The following TEX9 variants were observed in gnomAD, a reference collection of about 807,000 sequenced individuals.
TEX9 encodes the protein testis-expressed protein 9.
In TEX9, 74 loss-of-function variants were observed where a neutral mutation model predicts 59.6. The ratio of observed to expected loss-of-function variants is 1.24; its 90% CI spans 1.03 to 1.51. The LOEUF (loss-of-function observed/expected upper bound fraction) is 1.51. Among genes scored for constraint, TEX9 ranks in the 40% most tolerant of loss-of-function variants. TEX9 has a pLI of 0.00. For synonymous variants in TEX9, 186 were observed against 152.2 expected, an observed-to-expected ratio of 1.22 and a Z score of -1.64; for missense variants, 522 against 447.8, an observed-to-expected ratio of 1.17 and a Z score of -1.49.
At chr15:56,367,876 T>C (rs1323346418) in intron 2 of TEX9, among the ~76,000 whole-genome samples, 1 of 152,228 alleles carries the variant, frequency 6.6e-6, no homozygotes, top group African/African-American at 2.4e-5. Context: ...TGCGTTTATA[T>C]ACACACAGAT....
At chr15:56,381,243 G>C (rs1074018) in intron 3 of TEX9, among the ~76,000 whole-genome samples, 2 of 152,102 alleles carry the variant, frequency 1.3e-5, no homozygotes, top group Admixed American at 1.3e-4. Context: ...AGAATTTCTC[G>C]ATTCTTTTTA....
At chr15:56,302,362 C>T (rs1055364746) in intron 1 of TEX9, among the ~76,000 whole-genome samples, 5 of 139,018 alleles carry the variant, frequency 3.6e-5, no homozygotes, top group Admixed American at 1.4e-4. Context: ...CACACACACA[C>T]GAACATAAAA....
At chr15:56,387,416 C>G (rs1310412095) in intron 4 of TEX9, among the ~76,000 whole-genome samples, 1 of 151,876 alleles carries the variant, frequency 6.6e-6, no homozygotes, top group Non-Finnish European at 1.5e-5. Flanking sequence ...GATTTAGTTT[C>G]TGTAATTTTT....
intron 1 of TEX9, among the ~76,000 whole-genome samples, chr15:56,302,636 A>G (rs2045390086): frequency 6.6e-6 from 1 of 152,186 alleles, no homozygotes; most frequent in African/African-American, 2.4e-5. Context: ...GGAAGAAAAG[A>G]AGGAAGGAAG....
chr15:56,367,442 C>A (rs2046995212), intron 2 of TEX9, among the ~76,000 whole-genome samples: 1 of 152,164 alleles, frequency 6.6e-6, no homozygotes, highest in East Asian at 1.9e-4. Context: ...AATCCAAAAC[C>A]TTTTGCAGTT....
At chr15:56,457,623 A>T in the TEX9 span, among the ~76,000 whole-genome samples, 1 of 152,086 alleles carries the variant, frequency 6.6e-6, no homozygotes, top group Non-Finnish European at 1.5e-5. Flanking sequence ...GGAGTTTGAG[A>T]CCAGCCTGGG....
chr15:56,363,845 A>G (rs1432029318), upstream of TEX9, among the ~76,000 whole-genome samples: 3 of 126,616 alleles, frequency 2.4e-5, no homozygotes, highest in African/African-American at 9.4e-5. Context: ...TTATTTATCT[A>G]TTTCCTTTTT....
At chr15:56,297,370 A>G (rs2045241535) in intron 1 of TEX9, among the ~76,000 whole-genome samples, 2 of 152,366 alleles carry the variant, frequency 1.3e-5, no homozygotes, top group South Asian at 4.1e-4. Context: ...AGTTTTTACC[A>G]TAAGCATCTT....
intron 1 of TEX9, among the ~76,000 whole-genome samples, chr15:56,289,534 C>G (rs1168341780): frequency 6.6e-6 from 1 of 152,196 alleles, no homozygotes; most frequent in Non-Finnish European, 1.5e-5. Flanking sequence ...TCCTTCGCAG[C>G]TAACACTGTG....
At chr15:56,310,857 C>A (rs1368909101) in intron 1 of TEX9, among the ~76,000 whole-genome samples, 6 of 152,208 alleles carry the variant, frequency 3.9e-5, no homozygotes, top group Non-Finnish European at 5.9e-5. Flanking sequence ...AACCCTGAAA[C>A]CTCAACAGAG....
chr15:56,271,149 G>T (rs1358619235), intron 1 of TEX9, among the ~76,000 whole-genome samples: 1 of 152,056 alleles, frequency 6.6e-6, no homozygotes, highest in Non-Finnish European at 1.5e-5. Context: ...CTTTGTGGTG[G>T]TCTCTGTATT....
intron 1 of TEX9, among the ~76,000 whole-genome samples, chr15:56,328,845 G>T (rs1461549860): frequency 1.3e-5 from 2 of 152,200 alleles, no homozygotes; most frequent in Admixed American, 1.3e-4. Flanking sequence ...TGGACCTGAG[G>T]ACTGGGAGAA....
At chr15:56,244,951 A>C (rs1186363437) in intron 1 of TEX9, among the ~76,000 whole-genome samples, 2 of 152,314 alleles carry the variant, frequency 1.3e-5, no homozygotes, top group African/African-American at 4.8e-5. Flanking sequence ...ACAACAGCCA[A>C]GGCCTCTGGC....
chr15:56,320,678 T>C (rs540355556), intron 1 of TEX9, among the ~76,000 whole-genome samples: 3 of 152,192 alleles, frequency 2.0e-5, no homozygotes, highest in Non-Finnish European at 4.4e-5. Context: ...GAGTAATATG[T>C]TGTGTATGCT....
At chr15:56,272,691 G>C (rs2044565287) in intron 1 of TEX9, among the ~76,000 whole-genome samples, 2 of 152,070 alleles carry the variant, frequency 1.3e-5, no homozygotes, top group Non-Finnish European at 2.9e-5. Context: ...CTGCCAAACT[G>C]TTTCTCATAG....
At chr15:56,350,713 G>T (rs1469949761) in intron 1 of TEX9, among the ~76,000 whole-genome samples, 2 of 151,982 alleles carry the variant, frequency 1.3e-5, no homozygotes, top group African/African-American at 2.4e-5. Flanking sequence ...TATTCATTTC[G>T]CTAGGCCTTG....
chr15:56,276,418 A>G (rs907512978), intron 1 of TEX9, among the ~76,000 whole-genome samples: 1 of 152,144 alleles, frequency 6.6e-6, no homozygotes, highest in Non-Finnish European at 1.5e-5. Context: ...TATGAGTGAG[A>G]ACATGCAGTG....
rs186704335 is a variant in TEX9 at position 56,267,501 on chromosome 15, C to T, written c.-107+23223C>T. On this transcript the variant is annotated intron_variant, in intron 1 of 5. Coordinates refer to the TEX9 transcript ENST00000560827. ...CTTTAATCCATCTTGAATTAATTTT[C>T]GTATAACGTGTAAGGAAGGGATCCA... 1.5e-3 allele frequency among the ~76,000 whole-genome samples: 231 copies of T among 152,192 alleles called. 2 individuals carry two copies. The highest frequency in any genetic ancestry group is 5.1e-3 in the Admixed American group (78 of 15,286).
At chr15:56,405,032 A>G (rs959895075) in intron 9 of TEX9, among the ~76,000 whole-genome samples, 3 of 152,198 alleles carry the variant, frequency 2.0e-5, no homozygotes, top group African/African-American at 4.8e-5. Flanking sequence ...CCTAATGTAA[A>G]TGACGAGTTG....
Sources: gnomAD v4.1 joint callset for allele counts (sites outside exome capture counted in the v4.1 genomes callset) on GRCh38, gnomAD v4.1.1 for gene constraint, MANE v1.5 for transcripts, NCBI Gene and HGNC (gene_info 2026-07-23, HGNC 2026-07-21) for gene names.